Variants in NBPF11 observed in about 807,000 individuals in gnomAD.
NBPF11 encodes the protein NBPF member 11, also known as NBPF family member NBPF11.
A neutral mutation model predicts 93.9 loss-of-function variants in NBPF11; 72 were observed. The ratio of observed to expected loss-of-function variants is 0.77; its 90% CI spans 0.63 to 0.93. The LOEUF (loss-of-function observed/expected upper bound fraction) is 0.93, where lower values mean the gene tolerates loss of function less well. Among genes scored for constraint, NBPF11 ranks in the 40% least tolerant of loss-of-function variants. The probability of loss-of-function intolerance (pLI) is 0.00; values close to 1 mark genes in which losing one functional copy is unlikely to be tolerated. For synonymous variants in NBPF11, 224 were observed against 304.9 expected (o/e 0.73, Z 2.76); for missense variants, 705 against 802.2 (o/e 0.88, Z 1.46).
At chr1:148,125,862 C>T (rs1196889643) in intron 5 of NBPF11, among the ~76,000 whole-genome samples, 2 of 151,962 alleles carry the variant, frequency 1.3e-5, no homozygotes, top group African/African-American at 4.9e-5. Context: ...CCCTGCTTTG[C>T]ACACTGCACT....
chr1:148,121,917 T>C, intron 9 of NBPF11, 138 bp downstream of exon 9: 2 of 775,328 alleles, frequency 2.6e-6, no homozygotes, highest in South Asian at 1.5e-5. Context: ...GCTGTGATTA[T>C]ATGTGTGAGT....
At position 148,125,001 on chromosome 1, in the gene NBPF11, T is replaced by C; in HGVS notation, c.176A>G (p.Lys59Arg). The change falls in exon 6 of 24, where the codon AAG (lysine) becomes AGG (arginine). Residue 59 changes from lysine (K) to arginine (R), a missense_variant and splice_region_variant. Lys to Arg is a conservative substitution (Grantham distance 26). Transcript: ENST00000682118. ...GFLANRQKKY[K>R]YEECKDLIKF... ...TATGAGGTCTTTACACTCTTCATAC[T>C]CTGAGAAAAGACAGACACGCCTGCC... 1 of 1,581,406 alleles carries C rather than the reference T, an allele frequency of 6.3e-7. No homozygotes were observed. Among genetic ancestry groups the C allele is most frequent in the Non-Finnish European group, 8.7e-7 (1 of 1,155,522 alleles).
rs1203435948 is a variant in NBPF11, at chr1:148,122,948, G to T, written c.494-147C>A. ...TGTTTTATCCTTCACAAAATGCCCT[G>T]GCATGGTTTCCTGGTCCATCAGGCA... On this transcript the variant is annotated intron_variant, in intron 7 of 23. Coordinates refer to ENST00000682118, the MANE Select transcript of NBPF11 (RefSeq NM_001385469.3). The T allele has an allele frequency of 3.4e-6, 5 of 1,475,616 alleles. No homozygotes were observed. The East Asian group carries it at 1.1e-4, about 34-fold the overall frequency. 91.4% of individuals were successfully genotyped at this position (1,475,616 alleles called of 1,614,324 possible). A position where few individuals can be genotyped will look rare whatever the true frequency, so the allele number is the denominator to read the frequency against.
At chr1:148,115,478 G>A (rs1457527681) in intron 14 of NBPF11, among the ~76,000 whole-genome samples, 1 of 150,952 alleles carries the variant, frequency 6.6e-6, no homozygotes, top group African/African-American at 2.5e-5. Context: ...ATTGTTCAGG[G>A]ACAGATGACT....
Position 148,111,504 on chromosome 1 carries a change from A to G in NBPF11, c.1638-963T>C, listed in dbSNP as rs1176859857. Reference sequence around the variant, plus strand: ...TCATCGCAAGGAAGCTAAAAACCTTAAAAAAAGATTAGACGAATGGCTAAC... The same window carrying G: ...TCATCGCAAGGAAGCTAAAAACCTTGAAAAAAGATTAGACGAATGGCTAAC... On this transcript the variant is annotated intron_variant, in intron 15 of 23. Transcript: ENST00000682118. Among the ~76,000 whole-genome samples the G allele has an allele frequency of 4.5e-4, 69 of 151,996 alleles. 1 individual carries two copies. The highest frequency in any genetic ancestry group is 1.2e-3 in the African/African-American group (49 of 41,294).
chr1:148,138,590 T>C (rs1169022425), intron 2 of NBPF11, among the ~76,000 whole-genome samples: 3 of 151,512 alleles, frequency 2.0e-5, no homozygotes, highest in Admixed American at 6.6e-5. Context: ...CAAGCATTTG[T>C]TTAACAAAGC....
At chr1:148,137,233 G>C (rs1336585924) in intron 3 of NBPF11, among the ~76,000 whole-genome samples, 4 of 151,870 alleles carry the variant, frequency 2.6e-5, no homozygotes, top group Non-Finnish European at 5.9e-5. Context: ...GATGAAGTCA[G>C]AGAAGGTGGG....
At chr1:148,132,541 T>G (rs1157283879) in intron 4 of NBPF11, among the ~76,000 whole-genome samples, 1 of 149,740 alleles carries the variant, frequency 6.7e-6, no homozygotes, top group East Asian at 1.9e-4. Context: ...CCACTTGGAA[T>G]TTTTATTAGA....
chr1:148,129,313 T>A (rs1398089904), intron 4 of NBPF11, among the ~76,000 whole-genome samples: 3 of 137,116 alleles, frequency 2.2e-5, no homozygotes, highest in African/African-American at 5.3e-5. Flanking sequence ...ATATATATAT[T>A]ATATATATAT....
At chr1:148,136,063 T>C (rs1671223723) in intron 3 of NBPF11, among the ~76,000 whole-genome samples, 2 of 151,926 alleles carry the variant, frequency 1.3e-5, no homozygotes, top group East Asian at 1.9e-4. Flanking sequence ...AAAAATTACA[T>C]GTATATAGAG....
chr1:148,106,491 C>T (rs1166942886), intron 20 of NBPF11, among the ~76,000 whole-genome samples: 2 of 140,202 alleles, frequency 1.4e-5, no homozygotes, highest in Non-Finnish European at 3.0e-5. Context: ...ACAGTTATGC[C>T]TTATTGTTCC....
chr1:148,106,097 A>G (rs1663534887), intron 21 of NBPF11, 84 bp downstream of exon 21: 1 of 585,786 alleles, frequency 1.7e-6, no homozygotes, highest in Non-Finnish European at 3.0e-6. Flanking sequence ...GATGTAATCG[A>G]TAATGTCAGC....
In NBPF11 at chr1:148,120,616, G is replaced by A; in HGVS notation, c.873C>T (p.Ile291=). The A allele has an allele frequency of 6.6e-7, 1 of 1,520,574 alleles. No individual in the cohort carries two copies. The highest frequency in any genetic ancestry group is 1.1e-5 in the South Asian group (1 of 89,336). The allele number at this position is 1,520,574 out of a possible 1,614,324, so 94.2% of individuals were successfully genotyped here. A position where few individuals can be genotyped will look rare whatever the true frequency, so the allele number is the denominator to read the frequency against. ...SEKAEMNILE[I]NEKLCPQLAE... The stretch of plus-strand genomic sequence containing the variant: ...CCAGCTGGGGGCACAATTTCTCATT[G>A]ATTTCTAGAATGTTCATCTCTGCCT... The change falls in exon 10 of 24, where the codon ATC becomes ATT. Residue 291 remains isoleucine, a synonymous_variant. Coordinates refer to ENST00000682118, the MANE Select transcript of NBPF11 (RefSeq NM_001385469.3).
chr1:148,148,701 T>C (rs1292169854), intron 1 of NBPF11, among the ~76,000 whole-genome samples: 1 of 151,380 alleles, frequency 6.6e-6, no homozygotes, highest in Admixed American at 6.6e-5. Context: ...GCCAAGGGGG[T>C]GGGCAAGGGC....
chr1:148,149,123 G>A (rs1251053014), intron 1 of NBPF11: 35 of 1,573,366 alleles, frequency 2.2e-5, no homozygotes, highest in African/African-American at 6.8e-5. Flanking sequence ...GTGCGCGCGC[G>A]TTGGAGGCCG....
chr1:148,127,902 G>A (rs1236148074), intron 4 of NBPF11, among the ~76,000 whole-genome samples: 659 of 151,454 alleles, frequency 4.4e-3, no homozygotes, highest in African/African-American at 0.014. Context: ...GTGATCTGCC[G>A]CCTCGGCCTC....
intron 4 of NBPF11, among the ~76,000 whole-genome samples, chr1:148,132,144 G>GTGTGTATGTA (rs1392331503): frequency 5.8e-5 from 8 of 137,472 alleles, no homozygotes; most frequent in Non-Finnish European, 1.1e-4. Flanking sequence ...GTGTGTGTGT[G>GTGTGTATGTA]TATATATATA....
chr1:148,111,942 C>A (rs1445117545), intron 15 of NBPF11, among the ~76,000 whole-genome samples: 1 of 150,586 alleles, frequency 6.6e-6, no homozygotes, highest in Non-Finnish European at 1.5e-5. Flanking sequence ...CCCCAGGACA[C>A]ATAATTGTCA....
chr1:148,116,883 C>T (rs1210979248), intron 12 of NBPF11, among the ~76,000 whole-genome samples: 2 of 152,184 alleles, frequency 1.3e-5, no homozygotes, highest in African/African-American at 2.4e-5. Context: ...TCACAGTTTG[C>T]ATTTCAAACC....
Sources: allele counts gnomAD v4.1 joint callset (sites outside exome capture counted in the v4.1 genomes callset), GRCh38; gene constraint gnomAD v4.1.1; transcripts MANE v1.5; gene names NCBI Gene and HGNC (gene_info 2026-07-23, HGNC 2026-07-21).